CCDC150: variants seen among roughly 807,000 people sequenced by gnomAD.
The protein encoded by CCDC150 is coiled-coil domain containing 150.
In CCDC150, 151 loss-of-function variants were observed where a neutral mutation model predicts 156.5. The observed-to-expected ratio is 0.97, with a 90% confidence interval of 0.85 to 1.10. The LOEUF is 1.10. Among genes scored for constraint, CCDC150 ranks in the 50% least tolerant of loss-of-function variants. CCDC150 has a pLI of 0.00. For synonymous variants in CCDC150, 452 were observed against 429.4 expected (o/e 1.05, Z -0.65); for missense variants, 1,312 against 1,268.1 (o/e 1.03, Z -0.53).
chr2:196,679,708 A>G (rs1694707774), intron 13 of CCDC150, among the ~76,000 whole-genome samples: 2 of 152,348 alleles, frequency 1.3e-5, no homozygotes, highest in South Asian at 4.1e-4. Context: ...TTTTCAAACA[A>G]TCTGTACCAT....
intron 14 of CCDC150, among the ~76,000 whole-genome samples, chr2:196,697,381 A>C (rs1695902460): frequency 6.6e-6 from 1 of 152,086 alleles, no homozygotes; most frequent in Non-Finnish European, 1.5e-5. Context: ...GCAGTCACGC[A>C]GGGAACCACA....
chr2:196,655,474 C>T (rs182777888), intron 2 of CCDC150, among the ~76,000 whole-genome samples: 2 of 152,280 alleles, frequency 1.3e-5, no homozygotes, highest in Admixed American at 1.3e-4. Flanking sequence ...TGGCAAGTAC[C>T]AAGCTCTCAT....
intron 10 of CCDC150, among the ~76,000 whole-genome samples, chr2:196,675,034 G>T (rs1694413340): frequency 6.6e-6 from 1 of 152,042 alleles, no homozygotes; most frequent in Non-Finnish European, 1.5e-5. Context: ...ACTAGTAAGA[G>T]GTAGAGTTGT....
intron 13 of CCDC150, among the ~76,000 whole-genome samples, chr2:196,694,005 A>G (rs2125650237): frequency 6.7e-6 from 1 of 149,740 alleles, no homozygotes; most frequent in Admixed American, 6.7e-5. Context: ...CTAATTTATT[A>G]TCTTTTTATA....
In CCDC150 at chr2:196,730,030, A is replaced by G. The variant is rs1285044601; in HGVS notation, c.2894A>G (p.Gln965Arg). Residue 965 changes from glutamine (Q) to arginine (R), a missense_variant, in exon 25 of 28, where the codon CAA becomes CGA. Transcript: ENST00000389175. ...QKEMQMLAKS[Q>R]YDASVRNKQQ... is the part of the protein sequence containing the mutation. Reference sequence around the variant, plus strand: ...GAGATGCAGATGTTGGCTAAGAGCCAATATGATGCCTCAGTGCGGAATAAA... The same window carrying G: ...GAGATGCAGATGTTGGCTAAGAGCCGATATGATGCCTCAGTGCGGAATAAA... 2 of 1,613,758 alleles carry G rather than the reference A, an allele frequency of 1.2e-6. No individual in the cohort carries two copies. The highest frequency in any genetic ancestry group is 2.7e-5 in the African/African-American group (2 of 74,952).
Position 196,729,318 on chromosome 2 carries a change from T to G in CCDC150, c.2682T>G (p.Asn894Lys), listed in dbSNP as rs1190444904. The change falls in exon 23 of 28, where the codon AAT becomes AAG. Residue 894 changes from asparagine (N) to lysine (K), a missense_variant. Coordinates refer to ENST00000389175, the MANE Select transcript of CCDC150 (RefSeq NM_001080539.2). ...ILESNKEKIK[N>K]QKTQIKLHLS... is the part of the protein sequence containing the mutation. ...AAAGTAACAAGGAGAAAATAAAGAATCAAAAGACCCAAATTAAGCTCCACT... is the reference window on the plus strand; with the variant it reads ...AAAGTAACAAGGAGAAAATAAAGAAGCAAAAGACCCAAATTAAGCTCCACT... 1.2e-6 allele frequency: 2 copies of G among 1,613,198 alleles called. No individual in the cohort carries two copies. The highest frequency in any genetic ancestry group is 1.7e-6 in the Non-Finnish European group (2 of 1,179,760).
At chr2:196,730,431 T>A (rs1241470120) in intron 25 of CCDC150, among the ~76,000 whole-genome samples, 3 of 152,246 alleles carry the variant, frequency 2.0e-5, no homozygotes, top group Admixed American at 2.0e-4. Flanking sequence ...AGGAACTTTG[T>A]ACACCTCGTT....
In CCDC150 at chr2:196,695,137, A is replaced by G; in HGVS notation, c.1601A>G (p.Gln534Arg). Reference protein sequence around the residue: ...ADQMASLELQQVTSDYHGLAQ... With the variant: ...ADQMASLELQRVTSDYHGLAQ... Reference sequence around the variant, plus strand: ...CAAATGGCTTCCCTAGAACTTCAGCAAGTCACTTCTGATTACCATGGGGTG... The same window carrying G: ...CAAATGGCTTCCCTAGAACTTCAGCGAGTCACTTCTGATTACCATGGGGTG... The change falls in exon 14 of 28, where the codon CAA becomes CGA. Residue 534 changes from glutamine to arginine, a missense_variant. By Grantham distance (43) the Gln-to-Arg change is conservative (BLOSUM62 1). Transcript: ENST00000389175. The G allele has an allele frequency of 6.2e-7, 1 of 1,606,700 alleles. No individual in the cohort carries two copies. The highest frequency in any genetic ancestry group is 8.5e-7 in the Non-Finnish European group (1 of 1,173,492).
At chr2:196,723,387 T>G (rs2125710738) in intron 21 of CCDC150, among the ~76,000 whole-genome samples, 1 of 152,198 alleles carries the variant, frequency 6.6e-6, no homozygotes, top group Middle Eastern at 3.4e-3. Flanking sequence ...TCCCAGCTAC[T>G]CGGGAGGCTA....
At chr2:196,712,835 A>C (rs1201431981) in intron 17 of CCDC150, 96 bp downstream of exon 17, 4 of 924,470 alleles carry the variant, frequency 4.3e-6, no homozygotes, top group East Asian at 2.7e-5. Context: ...TGAATAGAAA[A>C]AGTTAAGCAA....
intron 1 of CCDC150, 83 bp downstream of exon 1, chr2:196,639,861 C>G (rs1048850833): frequency 1.5e-5 from 18 of 1,203,184 alleles, no homozygotes; most frequent in Middle Eastern, 2.0e-4. Flanking sequence ...TCACCACTCC[C>G]TGGCGCCCTC....
intron 5 of CCDC150, among the ~76,000 whole-genome samples, chr2:196,664,057 A>G (rs112953220): frequency 1.1e-3 from 170 of 152,302 alleles, no homozygotes; most frequent in African/African-American, 3.9e-3. Flanking sequence ...TATTGACAGA[A>G]ATAAGGTCAG....
At position 196,656,746 on chromosome 2, in the gene CCDC150, G is replaced by C. The variant is rs772370932; in HGVS notation, c.290G>C (p.Cys97Ser). The C allele has an allele frequency of 3.8e-6, 6 of 1,571,508 alleles. No homozygotes were observed. Among genetic ancestry groups the C allele is most frequent in the Admixed American group, 1.7e-5 (1 of 59,244 alleles). The change falls in exon 3 of 28, where the codon TGT becomes TCT. Residue 97 changes from cysteine to serine, a missense_variant. Coordinates refer to ENST00000389175, the MANE Select transcript of CCDC150 (RefSeq NM_001080539.2). ...AAAACAGATATTTTATGGAAGAACT[G>C]TGAGTTTCTGGTAAATCGAATGTGC... ...AGKTDILWKN[C>S]EFLVNRMCRL...
chr2:196,677,236 C>A, intron 12 of CCDC150, 57 bp from the exon 13 acceptor site: 1 of 1,081,508 alleles, frequency 9.2e-7, no homozygotes, highest in Non-Finnish European at 1.4e-6. Context: ...TATAGTGGAG[C>A]CTGTCAGCTG....
chr2:196,732,015 T>A lies in CCDC150; in HGVS notation c.3070-18T>A, dbSNP rs369079193. 1.9e-6 allele frequency: 3 copies of A among 1,609,466 alleles called. No homozygotes were observed. The highest frequency in any genetic ancestry group is 2.5e-6 in the Non-Finnish European group (3 of 1,177,688). On this transcript the variant is annotated intron_variant, in intron 26 of 27. Coordinates refer to ENST00000389175, the MANE Select transcript of CCDC150 (RefSeq NM_001080539.2). ...ACTCTTTCTTTGTGTCTTTTAATGG[T>A]GATATTTATATGTTCAGATAACAGC...
chr2:196,729,322 A>G lies in CCDC150; in HGVS notation c.2686A>G (p.Lys896Glu). The change falls in exon 23 of 28, where the codon AAG becomes GAG. Residue 896 changes from lysine to glutamate, a missense_variant. By Grantham distance (56) the Lys-to-Glu change is moderately conservative (BLOSUM62 1). Coordinates refer to ENST00000389175, the MANE Select transcript of CCDC150 (RefSeq NM_001080539.2). The part of the protein sequence containing the change: ...ESNKEKIKNQ[K>E]TQIKLHLSAK... Reference sequence around the variant, plus strand: ...TAACAAGGAGAAAATAAAGAATCAAAAGACCCAAATTAAGCTCCACTTGTC... The same window carrying G: ...TAACAAGGAGAAAATAAAGAATCAAGAGACCCAAATTAAGCTCCACTTGTC... 6.2e-7 allele frequency: 1 copy of G among 1,613,952 alleles called. No individual in the cohort carries two copies. The highest frequency in any genetic ancestry group is 1.1e-5 in the South Asian group (1 of 91,078).
chr2:196,667,468 T>A (rs1693916039), intron 7 of CCDC150: 1 of 154,058 alleles, frequency 6.5e-6, no homozygotes, highest in East Asian at 1.9e-4. Flanking sequence ...CTGTTGCTAG[T>A]ACTTCATTAT....
chr2:196,676,966 C>A (rs766520713), intron 12 of CCDC150: 1 of 641,488 alleles, frequency 1.6e-6, no homozygotes, highest in Non-Finnish European at 2.9e-6. Context: ...GTAATTCACA[C>A]ATCCTGGTGT....
chr2:196,722,799 T>A (rs1697995657), intron 21 of CCDC150, among the ~76,000 whole-genome samples: 1 of 152,148 alleles, frequency 6.6e-6, no homozygotes, highest in South Asian at 2.1e-4. Context: ...GAGCTAGTAA[T>A]TGTTTCAAAG....
Sources: allele counts gnomAD v4.1 joint callset (sites outside exome capture counted in the v4.1 genomes callset), GRCh38; gene constraint gnomAD v4.1.1; transcripts MANE v1.5; gene names NCBI Gene and HGNC (gene_info 2026-07-23, HGNC 2026-07-21).